Variants in NCK1 observed in about 807,000 individuals in gnomAD.
NCK1 encodes the protein NCK adaptor protein 1.
Under a neutral mutation model 36.6 loss-of-function variants are expected in NCK1, and 19 were observed. The ratio of observed to expected loss-of-function variants is 0.52; its 90% CI spans 0.36 to 0.76. NCK1 has a LOEUF of 0.76. NCK1 is among the 30% of genes least tolerant of loss of function. NCK1 has a pLI of 0.00. For missense variants in NCK1, 358 were observed against 445.6 expected, an observed-to-expected ratio of 0.80 and a Z score of 1.77; for synonymous variants, 165 against 156.0, an observed-to-expected ratio of 1.06 and a Z score of -0.43.
At chr3:136,914,780 A>G (rs1270106891) in intron 1 of NCK1, among the ~76,000 whole-genome samples, 2 of 152,206 alleles carry the variant, frequency 1.3e-5, no homozygotes, top group Admixed American at 6.5e-5. Flanking sequence ...TGTTCTCTCC[A>G]AATCTCATGT....
Position 136,888,360 on chromosome 3 carries a change from A to C in NCK1, c.-19+26007A>C, listed in dbSNP as rs1939130020. Among the ~76,000 whole-genome samples, 2 of 152,142 alleles carry C rather than the reference A, an allele frequency of 1.3e-5. 1 individual carries two copies. The highest frequency in any genetic ancestry group is 4.1e-4 in the South Asian group (2 of 4,838). ...TTCACTCATTAAAAGTATACAATTC[A>C]GCTTTTAGTATATTCAGAGTTGTGC... On this transcript the variant is annotated intron_variant, in intron 1 of 3. Coordinates refer to ENST00000481752, the MANE Select transcript of NCK1 (RefSeq NM_001291999.2).
At chr3:136,908,220 G>C (rs983592413) in intron 1 of NCK1, among the ~76,000 whole-genome samples, 2 of 152,152 alleles carry the variant, frequency 1.3e-5, no homozygotes, top group Non-Finnish European at 2.9e-5. Flanking sequence ...GTCCGCAACC[G>C]TATCACTTCG....
chr3:136,943,660 C>G (rs1940733653), intron 2 of NCK1, among the ~76,000 whole-genome samples: 1 of 152,164 alleles, frequency 6.6e-6, no homozygotes, highest in South Asian at 2.1e-4. Context: ...TTCCTTTGTT[C>G]CTACTACTGA....
At chr3:136,889,677 G>A (rs886265688) in intron 1 of NCK1, among the ~76,000 whole-genome samples, 5 of 152,044 alleles carry the variant, frequency 3.3e-5, no homozygotes, top group African/African-American at 1.2e-4. Context: ...CCCTGAGCTA[G>A]GCCCAAAGTT....
chr3:136,917,866 A>G (rs1366321397), intron 1 of NCK1, among the ~76,000 whole-genome samples: 1 of 152,204 alleles, frequency 6.6e-6, no homozygotes, highest in East Asian at 1.9e-4. Flanking sequence ...ACCAAATATT[A>G]GTGCTTCCCT....
intron 1 of NCK1, among the ~76,000 whole-genome samples, chr3:136,863,236 G>A (rs1261809040): frequency 6.6e-6 from 1 of 152,078 alleles, no homozygotes; most frequent in Non-Finnish European, 1.5e-5. Context: ...CTTTGGGTAG[G>A]GAGCAAAGCA....
intron 2 of NCK1, among the ~76,000 whole-genome samples, chr3:136,944,091 C>G (rs1025523549): frequency 3.1e-5 from 4 of 131,024 alleles, no homozygotes; most frequent in Non-Finnish European, 6.3e-5. Context: ...GTGAAAAAGT[C>G]GAGGGAAAAG....
rs35976394 is a variant in NCK1, at chr3:136,886,817, CTTTT to C, written c.-19+24479_-19+24482del. On this transcript the variant is annotated intron_variant, in intron 1 of 3. Transcript: ENST00000481752. ...ACTGTCCTGTAGTTACATGATCAGT[CTTTT>C]TTTTTTTTTTTTTTCCTATCTTTCT... 2.5e-3 allele frequency among the ~76,000 whole-genome samples: 336 copies of C among 137,036 alleles called. 1 individual carries two copies. Among genetic ancestry groups the C allele is most frequent in the Admixed American group, 3.9e-3 (53 of 13,650 alleles). The allele number at this position is 137,036 out of a possible 152,430, so 89.9% of individuals were successfully genotyped here. A position where few individuals can be genotyped will look rare whatever the true frequency, so the allele number is the denominator to read the frequency against.
intron 2 of NCK1, among the ~76,000 whole-genome samples, chr3:136,939,626 A>G (rs1413314861): frequency 6.6e-6 from 1 of 151,894 alleles, no homozygotes; most frequent in Admixed American, 6.6e-5. Flanking sequence ...GCTGCCTCCC[A>G]TAGGTTTTTG....
intron 1 of NCK1, among the ~76,000 whole-genome samples, chr3:136,864,969 T>G (rs766559723): frequency 3.3e-5 from 5 of 150,530 alleles, no homozygotes; most frequent in African/African-American, 7.3e-5. Context: ...TTGTTTGTTT[T>G]TTTTTTTGAG....
intron 1 of NCK1, among the ~76,000 whole-genome samples, chr3:136,871,934 C>A (rs1471937540): frequency 3.3e-5 from 5 of 152,188 alleles, no homozygotes; most frequent in Admixed American, 6.5e-5. Flanking sequence ...CCTCTCCTGC[C>A]ATGTGGAACT....
chr3:136,866,018 T>C (rs1938400808), intron 1 of NCK1, among the ~76,000 whole-genome samples: 1 of 152,210 alleles, frequency 6.6e-6, no homozygotes, highest in South Asian at 2.1e-4. Context: ...GATTTTTCTC[T>C]CTACTTAGTA....
At chr3:136,887,395 A>T (rs1325962928) in intron 1 of NCK1, among the ~76,000 whole-genome samples, 1 of 152,210 alleles carries the variant, frequency 6.6e-6, no homozygotes, top group Non-Finnish European at 1.5e-5. Flanking sequence ...GATAAATAGC[A>T]GCCTAAGTAA....
intron 1 of NCK1, among the ~76,000 whole-genome samples, chr3:136,868,490 G>A (rs991057593): frequency 6.6e-6 from 1 of 151,452 alleles, no homozygotes; most frequent in African/African-American, 2.4e-5. Context: ...ACCATGCCTG[G>A]CTAATTTTTG....
chr3:136,863,461 C>G (rs1348174121), intron 1 of NCK1, among the ~76,000 whole-genome samples: 1 of 152,162 alleles, frequency 6.6e-6, no homozygotes, highest in Non-Finnish European at 1.5e-5. Flanking sequence ...TCGTTCTTTT[C>G]TTTTTAAAAC....
intron 1 of NCK1, chr3:136,867,315 G>C (rs1938480156): frequency 1.3e-5 from 2 of 150,374 alleles, no homozygotes; most frequent in African/African-American, 2.5e-5. Flanking sequence ...CTGTTGCTCA[G>C]GCTGGAGTAC....
At chr3:136,915,617 A>G (rs940875000) in intron 1 of NCK1, among the ~76,000 whole-genome samples, 1 of 152,184 alleles carries the variant, frequency 6.6e-6, no homozygotes, top group Non-Finnish European at 1.5e-5. Flanking sequence ...AGACTGGGTA[A>G]TTTATAAAGA....
intron 1 of NCK1, among the ~76,000 whole-genome samples, chr3:136,914,246 C>T (rs1474849036): frequency 6.6e-6 from 1 of 152,162 alleles, no homozygotes; most frequent in Admixed American, 6.5e-5. Flanking sequence ...GGTCTTATTG[C>T]CCGAAAGCTG....
chr3:136,939,423 T>C (rs1940613760), intron 2 of NCK1, among the ~76,000 whole-genome samples: 1 of 152,210 alleles, frequency 6.6e-6, no homozygotes, highest in South Asian at 2.1e-4. Context: ...TTTGGTTTTG[T>C]TGATTTCCTC....
Sources: gnomAD v4.1 joint callset for allele counts (sites outside exome capture counted in the v4.1 genomes callset) on GRCh38, gnomAD v4.1.1 for gene constraint, MANE v1.5 for transcripts, NCBI Gene and HGNC (gene_info 2026-07-23, HGNC 2026-07-21) for gene names.